ALK: variants seen among roughly 807,000 people sequenced by gnomAD.
ALK encodes ALK tyrosine kinase receptor.
A neutral mutation model predicts 163.1 loss-of-function variants in ALK; 74 were observed. That is an observed-to-expected ratio of 0.45 (90% CI 0.38 to 0.55). The LOEUF (loss-of-function observed/expected upper bound fraction) is 0.55, where lower values mean the gene tolerates loss of function less well. Ranked by LOEUF, ALK falls within the 20% of genes least tolerant of loss-of-function variation. The pLI is 0.00. For synonymous variants in ALK, 960 were observed against 843.2 expected (o/e 1.14, Z -2.40); for missense variants, 2,063 against 2,105.3 (o/e 0.98, Z 0.39).
At chr2:29,348,280 C>T (rs1668011901) in intron 5 of ALK, among the ~76,000 whole-genome samples, 1 of 152,180 alleles carries the variant, frequency 6.6e-6, no homozygotes, top group Middle Eastern at 3.2e-3. Context: ...TCTGGGTCTG[C>T]TTATGAGAAT....
At position 29,626,948 on chromosome 2, in the gene ALK, C is replaced by T. The variant is rs534015039; in HGVS notation, c.952+67902G>A. ...GCCCCTCTTGTTCCTTCCCCAGCTG[C>T]CAAACATCCCTAAAGCCGGGGCTCC... On this transcript the variant is annotated intron_variant, in intron 3 of 28. Coordinates refer to ENST00000389048, the MANE Select transcript of ALK (RefSeq NM_004304.5). 1.1e-4 allele frequency among the ~76,000 whole-genome samples: 16 copies of T among 152,324 alleles called. 1 individual carries two copies. The East Asian group carries it at 3.1e-3, about 29-fold the overall frequency.
In ALK at chr2:29,341,240, G is replaced by A. The variant is rs534379437; in HGVS notation, c.1283-12759C>T. On this transcript the variant is annotated intron_variant, in intron 5 of 28. Coordinates refer to ENST00000389048, the MANE Select transcript of ALK (RefSeq NM_004304.5). ...ACATAAAAAGCAAATCATGTAGAAG[G>A]CTCCTTGTAGTGATCATGTCCTTCT... Among the ~76,000 whole-genome samples, 12 of 152,316 alleles carry A rather than the reference G, an allele frequency of 7.9e-5. 1 individual carries two copies. The South Asian group carries it at 2.5e-3, about 32-fold the overall frequency.
intron 1 of ALK, 32 bp from the exon 2 acceptor site, chr2:29,717,729 A>T (rs754682055): frequency 2.5e-6 from 4 of 1,613,754 alleles, no homozygotes; most frequent in Non-Finnish European, 3.4e-6. Flanking sequence ...ACACTGATCC[A>T]TGTGCTTGGG....
At chr2:29,459,976 C>T (rs1553318134) in intron 4 of ALK, among the ~76,000 whole-genome samples, 2 of 152,140 alleles carry the variant, frequency 1.3e-5, no homozygotes, top group South Asian at 2.1e-4. Context: ...GGTTATGTGA[C>T]TCACTCCAAA....
At chr2:29,824,092 T>C (rs1292302873) in intron 1 of ALK, among the ~76,000 whole-genome samples, 2 of 152,166 alleles carry the variant, frequency 1.3e-5, no homozygotes, top group Non-Finnish European at 2.9e-5. Context: ...AGCCAAGGTA[T>C]AGCTTGGGCC....
intron 3 of ALK, among the ~76,000 whole-genome samples, chr2:29,573,637 C>T (rs1379987990): frequency 8.5e-5 from 13 of 152,142 alleles, no homozygotes; most frequent in African/African-American, 2.9e-4. Context: ...ATGTATTATT[C>T]GTACTACTAT....
intron 1 of ALK, among the ~76,000 whole-genome samples, chr2:29,746,740 G>C (rs1441613024): frequency 1.3e-5 from 2 of 152,090 alleles, no homozygotes; most frequent in Admixed American, 1.3e-4. Flanking sequence ...TTTTTCTTAG[G>C]TGCTACCTTT....
rs1172956542 is a variant in ALK at position 29,297,054 on chromosome 2, G to A, written c.1651C>T (p.Arg551Ter). Reference sequence around the variant, plus strand: ...ACTCCACGAATGAGCCAGGACATTCGGAGCTGTGAGGGCGAGAAGAGTCAG... The same window carrying A: ...ACTCCACGAATGAGCCAGGACATTCAGAGCTGTGAGGGCGAGAAGAGTCAG... Reference protein sequence around the residue: ...APIKSSPCELRMSWLIRGVLR... With the variant: ...APIKSSPCEL Residue 551 changes from arginine to a stop codon, truncating the protein, a stop_gained, in exon 9 of 29, where the codon CGA (arginine) becomes TGA (stop). Coordinates refer to ENST00000389048, the MANE Select transcript of ALK (RefSeq NM_004304.5). LOFTEE classifies it high-confidence loss of function. The A allele has an allele frequency of 4.3e-6, 7 of 1,614,118 alleles. No homozygotes were observed. The highest frequency in any genetic ancestry group is 1.1e-5 in the South Asian group (1 of 91,082).
chr2:29,669,158 T>C (rs1240040574), intron 3 of ALK, among the ~76,000 whole-genome samples: 2 of 152,082 alleles, frequency 1.3e-5, no homozygotes, highest in African/African-American at 2.4e-5. Flanking sequence ...CTGTTGATTT[T>C]CTGTCTGGAT....
At position 29,532,027 on chromosome 2, in the gene ALK, C is replaced by T. The variant is rs763611527; in HGVS notation, c.1042G>A (p.Ala348Thr). The stretch of plus-strand genomic sequence containing the variant: ...TGCAGGTGCCTGTGCACCGAGACGG[C>T]CAGTGTGCAGTGCTCACTGCTGCTC... The part of the protein sequence containing the change: ...MRSSSEHCTL[A>T]VSVHRHLQPS... Residue 348 changes from alanine (A) to threonine (T), a missense_variant, in exon 4 of 29, where the codon GCC (alanine) becomes ACC (threonine). Ala to Thr is a moderately conservative substitution (Grantham distance 58, BLOSUM62 0). Transcript: ENST00000389048. 3.7e-6 allele frequency: 6 copies of T among 1,614,098 alleles called. No individual in the cohort carries two copies. In the East Asian group the frequency reaches 1.1e-4, roughly 30 times the overall value.
intron 26 of ALK, among the ~76,000 whole-genome samples, chr2:29,204,619 C>T (rs1375675211): frequency 1.3e-5 from 2 of 151,962 alleles, no homozygotes; most frequent in African/African-American, 2.4e-5. Flanking sequence ...GATGGAGTTT[C>T]GCTCTTGTCA....
At position 29,920,821 on chromosome 2, in the gene ALK, C is replaced by A. The variant is rs1291227564; in HGVS notation, c.-162G>T. On this transcript the variant is annotated 5_prime_UTR_variant, in exon 1 of 29. Transcript: ENST00000389048. ...GCGCAAGTCTCTTGCTTTCCCCCAA[C>A]TGCACGGAGGCGAGCAGGAGTCTAA... The A allele has an allele frequency of 6.1e-6, 4 of 659,082 alleles. No individual in the cohort carries two copies. Among genetic ancestry groups the A allele is most frequent in the African/African-American group, 1.8e-5 (1 of 54,912 alleles). The allele number at this position is 659,082 out of a possible 1,614,324, so 40.8% of individuals were successfully genotyped here.
chr2:29,779,710 AAAG>A (rs1424126808), intron 1 of ALK, among the ~76,000 whole-genome samples: 3 of 152,256 alleles, frequency 2.0e-5, no homozygotes, highest in African/African-American at 4.8e-5. Flanking sequence ...TTGTTAGAAT[AAAG>A]AAGGTTTAAT....
Position 29,580,708 on chromosome 2 carries a change from T to G in ALK, c.953-48592A>C, listed in dbSNP as rs115820292. On this transcript the variant is annotated intron_variant, in intron 3 of 28. Coordinates refer to ENST00000389048, the MANE Select transcript of ALK (RefSeq NM_004304.5). ...GCTAAACAGATGTGGAGCGGAAAAT[T>G]GCCATCCAGATGACAGTTTGGTTCA... Among the ~76,000 whole-genome samples, 1,018 of 152,338 alleles carry G rather than the reference T, an allele frequency of 6.7e-3. 7 individuals carry two copies. Among genetic ancestry groups the G allele is most frequent in the African/African-American group, 0.024 (978 of 41,578 alleles).
chr2:29,345,239 C>CA (rs939961153), intron 5 of ALK, among the ~76,000 whole-genome samples: 2 of 151,450 alleles, frequency 1.3e-5, no homozygotes, highest in Non-Finnish European at 2.9e-5. Flanking sequence ...ACTAAAAATA[C>CA]AAAAAAATTA....
chr2:29,771,687 A>C (rs950373209), intron 1 of ALK, among the ~76,000 whole-genome samples: 3 of 152,060 alleles, frequency 2.0e-5, no homozygotes, highest in African/African-American at 7.2e-5. Flanking sequence ...GGCGCCTGCC[A>C]CCATGCCCCG....
rs370875046 is a variant in ALK, at chr2:29,195,691, C to T, written c.4164+1079G>A. On this transcript the variant is annotated intron_variant, in intron 28 of 28. Coordinates refer to ENST00000389048, the MANE Select transcript of ALK (RefSeq NM_004304.5). ...TGGAGGCTGCAGTGAGCCAAGATGG[C>T]GCCACTGTGCTCCAGCCCGGGCAGT... Among the ~76,000 whole-genome samples, 130 of 152,274 alleles carry T rather than the reference C, an allele frequency of 8.5e-4. 1 individual carries two copies. Among genetic ancestry groups the T allele is most frequent in the African/African-American group, 3.0e-3 (123 of 41,534 alleles).
intron 1 of ALK, among the ~76,000 whole-genome samples, chr2:29,751,711 G>A: frequency 6.6e-6 from 1 of 152,144 alleles, no homozygotes; most frequent in East Asian, 1.9e-4. Flanking sequence ...CTGAGGCAGT[G>A]ACCACCTTTC....
chr2:29,614,016 C>CTTG (rs1482637455), intron 3 of ALK, among the ~76,000 whole-genome samples: 18 of 152,188 alleles, frequency 1.2e-4, no homozygotes, highest in Non-Finnish European at 1.8e-4. Flanking sequence ...AGCACTGATC[C>CTTG]TGTCCAGACA....
Sources: allele counts gnomAD v4.1 joint callset (sites outside exome capture counted in the v4.1 genomes callset), GRCh38; gene constraint gnomAD v4.1.1; transcripts MANE v1.5; gene names NCBI Gene and HGNC (gene_info 2026-07-23, HGNC 2026-07-21).